The following RAB11FIP4 variants were observed in gnomAD, a reference collection of about 807,000 sequenced individuals.
RAB11FIP4 encodes rab11 family-interacting protein 4.
In RAB11FIP4, 23 loss-of-function variants were observed where a neutral mutation model predicts 74.3. That is an observed-to-expected ratio of 0.31 (90% CI 0.22 to 0.44). The LOEUF (loss-of-function observed/expected upper bound fraction) is 0.44. RAB11FIP4 is among the 20% of genes least tolerant of loss of function. The probability of loss-of-function intolerance (pLI) is 1.00; values close to 1 mark genes in which losing one functional copy is unlikely to be tolerated. For synonymous variants in RAB11FIP4, 360 were observed against 359.9 expected (o/e 1.00, Z 0.00); for missense variants, 630 against 863.9 (o/e 0.73, Z 3.39).
At chr17:31,398,056 C>CT (rs970434984) in intron 1 of RAB11FIP4, among the ~76,000 whole-genome samples, 91 of 147,286 alleles carry the variant, frequency 6.2e-4, no homozygotes, top group East Asian at 1.8e-3. Context: ...TTGTCAGACA[C>CT]TTTTTTTTTT....
At chr17:31,486,703 G>C (rs2071906824) in intron 3 of RAB11FIP4, among the ~76,000 whole-genome samples, 1 of 152,198 alleles carries the variant, frequency 6.6e-6, no homozygotes, top group African/African-American at 2.4e-5. Context: ...CATACTTTCC[G>C]AGGAGAGGGC....
chr17:31,457,391 C>A (rs1405280226), intron 3 of RAB11FIP4, among the ~76,000 whole-genome samples: 2 of 152,052 alleles, frequency 1.3e-5, no homozygotes. Context: ...ACTCTCACCT[C>A]TCCCCAGGGG....
chr17:31,480,793 CAAAAAAAAAAAAA>C (rs36097331), intron 3 of RAB11FIP4, among the ~76,000 whole-genome samples: 1 of 73,842 alleles, frequency 1.4e-5, no homozygotes, highest in African/African-American at 5.0e-5. Flanking sequence ...GACTCCGTCT[CAAAAAAAAAAAAA>C]AAAAAAAAAA....
At chr17:31,520,396 G>C (rs1438091251) in intron 4 of RAB11FIP4, among the ~76,000 whole-genome samples, 1 of 151,942 alleles carries the variant, frequency 6.6e-6, no homozygotes, top group African/African-American at 2.4e-5. Context: ...GTATTACTCC[G>C]AATGTTTTTT....
At chr17:31,429,760 C>T (rs1324889926) in intron 1 of RAB11FIP4, among the ~76,000 whole-genome samples, 4 of 137,968 alleles carry the variant, frequency 2.9e-5, no homozygotes, top group African/African-American at 5.4e-5. Flanking sequence ...ACCTGGGAGG[C>T]GGAGCTTGCA....
intron 3 of RAB11FIP4, among the ~76,000 whole-genome samples, chr17:31,461,572 T>C (rs563637467): frequency 1.3e-5 from 2 of 152,330 alleles, no homozygotes; most frequent in African/African-American, 4.8e-5. Context: ...AGGAACATTC[T>C]GTGTCCTTGA....
chr17:31,493,866 C>CT (rs2072061488), intron 3 of RAB11FIP4, among the ~76,000 whole-genome samples: 1 of 152,140 alleles, frequency 6.6e-6, no homozygotes, highest in Non-Finnish European at 1.5e-5. Context: ...TGGGCAGCAG[C>CT]TTTGGGTTTA....
At chr17:31,394,944 G>GT (rs2070914794) in intron 1 of RAB11FIP4, among the ~76,000 whole-genome samples, 1 of 139,010 alleles carries the variant, frequency 7.2e-6, no homozygotes, top group East Asian at 2.6e-4. Context: ...GGGGCGGGGG[G>GT]GGGGGGCTCC....
At position 31,425,347 on chromosome 17, in the gene RAB11FIP4, C is replaced by T. The variant is rs967151822; in HGVS notation, c.160-6466C>T. On this transcript the variant is annotated intron_variant, in intron 1 of 14. Transcript: ENST00000621161. ...CCTTGCCTTGCAGACAGCTTCACAG[C>T]GGCAAGATAAGCCGGCTTATCTCAC... 2.0e-5 allele frequency among the ~76,000 whole-genome samples: 3 copies of T among 152,186 alleles called. No homozygotes were observed. The South Asian group carries it at 6.2e-4, about 32-fold the overall frequency.
intron 1 of RAB11FIP4, among the ~76,000 whole-genome samples, chr17:31,393,117 G>A (rs929383930): frequency 2.6e-5 from 4 of 152,230 alleles, no homozygotes; most frequent in Non-Finnish European, 4.4e-5. Flanking sequence ...GGCATGGGCC[G>A]GGACTTGTGA....
intron 1 of RAB11FIP4, among the ~76,000 whole-genome samples, chr17:31,422,048 C>T (rs914973164): frequency 3.3e-5 from 5 of 152,070 alleles, no homozygotes; most frequent in Middle Eastern, 3.4e-3. Context: ...GTTGACATAT[C>T]CCTGTAGTCC....
In RAB11FIP4 at chr17:31,537,317, AC is replaced by A; in HGVS notation, c.*5588del. 6 of 398,008 alleles carry A rather than the reference AC, an allele frequency of 1.5e-5. No individual in the cohort carries two copies. The highest frequency in any genetic ancestry group is 2.7e-5 in the Non-Finnish European group (6 of 226,022). 24.7% of individuals were successfully genotyped at this position (398,008 alleles called of 1,614,324 possible). A position where few individuals can be genotyped will look rare whatever the true frequency, so the allele number is the denominator to read the frequency against. On this transcript the variant is annotated 3_prime_UTR_variant, in exon 15 of 15. Coordinates refer to ENST00000621161, the MANE Select transcript of RAB11FIP4 (RefSeq NM_032932.6). ...CGTCCACAAGGATCAGGCCCCACTT[AC>A]CCTTGGCTCGCTCAGCCTGTAGACT...
At chr17:31,420,868 G>A (rs1215218306) in intron 1 of RAB11FIP4, among the ~76,000 whole-genome samples, 1 of 152,146 alleles carries the variant, frequency 6.6e-6, no homozygotes, top group Non-Finnish European at 1.5e-5. Flanking sequence ...TGGATCACCT[G>A]AGGTCGAGAG....
chr17:31,434,287 C>A (rs767883803), intron 3 of RAB11FIP4, among the ~76,000 whole-genome samples, 165 bp downstream of exon 3: 3 of 152,074 alleles, frequency 2.0e-5, no homozygotes, highest in Non-Finnish European at 4.4e-5. Flanking sequence ...CCCTGAGTCC[C>A]CTTGGGAAGC....
intron 13 of RAB11FIP4, 33 bp from the exon 14 acceptor site, chr17:31,530,293 G>A (rs761466759): frequency 3.7e-6 from 6 of 1,611,046 alleles, no homozygotes; most frequent in Non-Finnish European, 5.1e-6. Flanking sequence ...ATGCCTCTTG[G>A]GGTTGATGTC....
chr17:31,459,053 C>T (rs1197367345), intron 3 of RAB11FIP4, among the ~76,000 whole-genome samples: 1 of 152,138 alleles, frequency 6.6e-6, no homozygotes. Flanking sequence ...CATGGTAGTC[C>T]TGATCTCAAC....
chr17:31,500,990 T>C (rs1473229372), intron 3 of RAB11FIP4, among the ~76,000 whole-genome samples: 1 of 150,476 alleles, frequency 6.6e-6, no homozygotes. Context: ...GCCACTGCAC[T>C]CCAGCCTGGT....
intron 3 of RAB11FIP4, among the ~76,000 whole-genome samples, chr17:31,469,803 G>A (rs1338904061): frequency 6.6e-6 from 1 of 152,170 alleles, no homozygotes; most frequent in East Asian, 1.9e-4. Flanking sequence ...AATCTGGCAT[G>A]GTGACATTAA....
chr17:31,516,866 C>G (rs1374330627), intron 3 of RAB11FIP4, among the ~76,000 whole-genome samples: 1 of 152,116 alleles, frequency 6.6e-6, no homozygotes, highest in African/African-American at 2.4e-5. Flanking sequence ...TAAATACCAT[C>G]TAGAGGTTTC....
Sources: gnomAD v4.1 joint callset for allele counts (sites outside exome capture counted in the v4.1 genomes callset) on GRCh38, gnomAD v4.1.1 for gene constraint, MANE v1.5 for transcripts, NCBI Gene and HGNC (gene_info 2026-07-23, HGNC 2026-07-21) for gene names.